The following MYO5A variants were observed in gnomAD, a reference collection of about 807,000 sequenced individuals.
MYO5A encodes unconventional myosin-Va.
MYO5A carries 98 observed loss-of-function variants against 249.7 expected under a neutral mutation model. The observed-to-expected ratio is 0.39, with a 90% CI of 0.33 to 0.46. The LOEUF is 0.46. Among genes scored for constraint, MYO5A ranks in the 20% least tolerant of loss-of-function variants. The probability of loss-of-function intolerance (pLI) is 0.98; values close to 1 mark genes in which losing one functional copy is unlikely to be tolerated. For missense variants in MYO5A, 1,696 were observed against 2,308.8 expected (o/e 0.73, Z 5.44); for synonymous variants, 778 against 810.6 (o/e 0.96, Z 0.68).
At position 52,457,648 on chromosome 15, in the gene MYO5A, T is replaced by C. The variant is rs545046383; in HGVS notation, c.28-24363A>G. ...GGATGTGGAGAAAAGGAAATTCTTA[T>C]ACATTGTTGGTGGAAATGTAAATTA... On this transcript the variant is annotated intron_variant, in intron 1 of 41. Transcript: ENST00000399233. Among the ~76,000 whole-genome samples the C allele has an allele frequency of 8.5e-5, 13 of 152,308 alleles. No homozygotes were observed. In the South Asian group the frequency reaches 2.5e-3, roughly 29 times the overall value.
In MYO5A at chr15:52,372,021, T is replaced by C; in HGVS notation, c.2817+103A>G. The C allele has an allele frequency of 2.6e-6, 4 of 1,556,096 alleles. No homozygotes were observed. The East Asian group carries it at 9.0e-5, about 35-fold the overall frequency. On this transcript the variant is annotated intron_variant, in intron 21 of 41. Coordinates refer to ENST00000399233, the MANE Select transcript of MYO5A (RefSeq NM_001382347.1). The stretch of plus-strand genomic sequence containing the variant: ...TAAATACGGTCATAATTTTACTTTT[T>C]ACTAAGACCGAAGGGTAAAGTCAAA...
chr15:52,381,637 T>C (rs1465386968), intron 16 of MYO5A, among the ~76,000 whole-genome samples: 2 of 152,208 alleles, frequency 1.3e-5, no homozygotes, highest in East Asian at 3.9e-4. Flanking sequence ...GTCTACACAA[T>C]GGGATACTCT....
chr15:52,353,845 C>T, intron 26 of MYO5A, 26 bp downstream of exon 26: 1 of 1,612,520 alleles, frequency 6.2e-7, no homozygotes, highest in Non-Finnish European at 8.5e-7. Context: ...CCAGCTTCAG[C>T]TCTGCGGATG....
At chr15:52,377,782 G>A (rs995191451) in intron 18 of MYO5A, among the ~76,000 whole-genome samples, 1 of 151,900 alleles carries the variant, frequency 6.6e-6, no homozygotes, top group African/African-American at 2.4e-5. Flanking sequence ...TATTGGCCAG[G>A]GTGGCCTCAA....
chr15:52,348,720 G>T, intron 29 of MYO5A, 98 bp downstream of exon 29: 2 of 1,020,390 alleles, frequency 2.0e-6, no homozygotes, highest in Non-Finnish European at 2.9e-6. Flanking sequence ...AAATAGACTT[G>T]GTCAGAAAGC....
chr15:52,508,499 T>C (rs949441711), intron 1 of MYO5A, among the ~76,000 whole-genome samples: 2 of 152,310 alleles, frequency 1.3e-5, no homozygotes, highest in South Asian at 2.1e-4. Context: ...ATTAGTCCTA[T>C]GTGTTCTAAA....
intron 24 of MYO5A, 152 bp from the exon 25 acceptor site, chr15:52,360,233 T>A: frequency 1.5e-6 from 1 of 679,130 alleles, no homozygotes; most frequent in Non-Finnish European, 2.7e-6. Context: ...ACCAAATAAT[T>A]ACAAAAAGGT....
chr15:52,364,878 T>C (rs1055997986), intron 23 of MYO5A, among the ~76,000 whole-genome samples, 176 bp from the exon 24 acceptor site: 2 of 152,126 alleles, frequency 1.3e-5, no homozygotes, highest in African/African-American at 4.8e-5. Context: ...AAAAATGAAA[T>C]AATTTATTAA....
At chr15:52,379,979 C>A in intron 16 of MYO5A, 71 bp from the exon 17 acceptor site, 3 of 1,502,592 alleles carry the variant, frequency 2.0e-6, no homozygotes, top group South Asian at 2.3e-5. Flanking sequence ...TCTCCTCAGT[C>A]AGGGTGTAAA....
intron 32 of MYO5A, among the ~76,000 whole-genome samples, chr15:52,338,895 G>A (rs905077742): frequency 2.0e-5 from 3 of 152,124 alleles, no homozygotes; most frequent in African/African-American, 7.2e-5. Context: ...GAACTTGTAT[G>A]CCAATCAATC....
intron 1 of MYO5A, among the ~76,000 whole-genome samples, chr15:52,494,123 T>G (rs1215618231): frequency 6.6e-6 from 1 of 152,112 alleles, no homozygotes. Flanking sequence ...GTCAAACATG[T>G]TCCCTATATC....
At chr15:52,423,692 A>G (rs1280507334) in intron 4 of MYO5A, among the ~76,000 whole-genome samples, 1 of 152,204 alleles carries the variant, frequency 6.6e-6, no homozygotes, top group Non-Finnish European at 1.5e-5. Context: ...TGGTAAATAT[A>G]ATACCATAAC....
chr15:52,471,555 G>T (rs1393079095), intron 1 of MYO5A, among the ~76,000 whole-genome samples: 1 of 149,414 alleles, frequency 6.7e-6, no homozygotes, highest in Non-Finnish European at 1.5e-5. Context: ...AGCAACTTGA[G>T]GCCAGCCTGG....
chr15:52,386,126 G>A (rs970329252), intron 14 of MYO5A, among the ~76,000 whole-genome samples: 3 of 152,108 alleles, frequency 2.0e-5, no homozygotes, highest in Admixed American at 2.0e-4. Flanking sequence ...AGACCAGCCT[G>A]GACAACATGG....
chr15:52,363,918 T>G lies in MYO5A; in HGVS notation c.3309+636A>C, dbSNP rs985500471. Among the ~76,000 whole-genome samples the G allele has an allele frequency of 2.6e-5, 4 of 152,186 alleles. No homozygotes were observed. The East Asian group carries it at 7.7e-4, about 29-fold the overall frequency. On this transcript the variant is annotated intron_variant, in intron 24 of 41. Coordinates refer to ENST00000399233, the MANE Select transcript of MYO5A (RefSeq NM_001382347.1). ...ATCAAAACCAGTCTACATGTAAATT[T>G]TACATTAGGCCATTCAATATATAAA...
At chr15:52,395,236 G>A (rs10518687) in intron 11 of MYO5A, among the ~76,000 whole-genome samples, 73,297 of 152,014 alleles carry the variant, frequency 0.48, 21,263 homozygotes, top group Non-Finnish European at 0.63. Flanking sequence ...TAGTGATTTC[G>A]TTATGACACA....
intron 1 of MYO5A, among the ~76,000 whole-genome samples, chr15:52,522,077 C>G (rs1207527799): frequency 6.6e-6 from 1 of 152,196 alleles, no homozygotes; most frequent in Non-Finnish European, 1.5e-5. Flanking sequence ...TAATAAGTAT[C>G]TCTATTGGTT....
chr15:52,314,038 A>T (rs770311934), intron 41 of MYO5A, 85 bp downstream of exon 41: 5 of 1,342,112 alleles, frequency 3.7e-6, no homozygotes, highest in Non-Finnish European at 5.3e-6. Flanking sequence ...ATAATAAAAG[A>T]TAACACATTA....
upstream of MYO5A, chr15:52,528,920 C>G (rs1595851633): frequency 1.0e-6 from 1 of 987,260 alleles, no homozygotes. Context: ...CAGGGCAGGG[C>G]AGGGCCGGGC....
Sources: gnomAD v4.1 joint callset for allele counts (sites outside exome capture counted in the v4.1 genomes callset) on GRCh38, gnomAD v4.1.1 for gene constraint, MANE v1.5 for transcripts, NCBI Gene and HGNC (gene_info 2026-07-23, HGNC 2026-07-21) for gene names.